The following BCAS1 variants were observed in gnomAD, a reference collection of about 807,000 sequenced individuals.
The protein encoded by BCAS1 is brain enriched myelin associated protein 1, also known as breast carcinoma-amplified sequence 1.
A neutral mutation model predicts 65.4 loss-of-function variants in BCAS1; 46 were observed. The ratio of observed to expected loss-of-function variants is 0.70; its 90% CI spans 0.55 to 0.90. The LOEUF (loss-of-function observed/expected upper bound fraction) is 0.90. BCAS1 is among the 40% of genes least tolerant of loss of function. The pLI is 0.00. For missense variants in BCAS1, 793 were observed against 771.2 expected, an observed-to-expected ratio of 1.03 and a Z score of -0.33; for synonymous variants, 298 against 293.5, an observed-to-expected ratio of 1.02 and a Z score of -0.16.
At chr20:54,029,340 G>A in intron 3 of BCAS1, 2 of 585,794 alleles carry the variant, frequency 3.4e-6, no homozygotes, top group Non-Finnish European at 4.3e-6. Flanking sequence ...GGGTTCTGGA[G>A]CTAGAACAAG....
chr20:54,062,185 A>T (rs2092384133), intron 1 of BCAS1, among the ~76,000 whole-genome samples: 1 of 152,192 alleles, frequency 6.6e-6, no homozygotes. Flanking sequence ...CTTTACAGAA[A>T]GTTTACCAGG....
intron 4 of BCAS1, among the ~76,000 whole-genome samples, chr20:53,996,393 C>A (rs1213299071): frequency 7.0e-6 from 1 of 143,396 alleles, no homozygotes; most frequent in Non-Finnish European, 1.5e-5. Context: ...GTCTCCTTAT[C>A]TATGATGTGT....
chr20:54,011,932 T>C (rs2091329515), intron 4 of BCAS1, among the ~76,000 whole-genome samples: 1 of 152,160 alleles, frequency 6.6e-6, no homozygotes, highest in Non-Finnish European at 1.5e-5. Flanking sequence ...CCTAGAGAAA[T>C]GAAGAATTAT....
In BCAS1 at chr20:53,985,341, G is replaced by C. The variant is rs1305370640; in HGVS notation, c.1221C>G (p.Thr407=). The change falls in exon 8 of 13, where the codon ACC becomes ACG. Residue 407 remains threonine (T), a synonymous_variant. Coordinates refer to ENST00000688948, the MANE Select transcript of BCAS1 (RefSeq NM_001366298.2). The part of the protein sequence containing the change: ...VTTPEPAKEG[T]KEKSGPTSLP... ...GAGAGGTGGGTCCTGATTTCTCCTT[G>C]GTGCCTTCCTTCGCAGGTTCAGGGG... The C allele has an allele frequency of 3.7e-6, 6 of 1,613,954 alleles. No individual in the cohort carries two copies. Among genetic ancestry groups the C allele is most frequent in the South Asian group, 2.2e-5 (2 of 91,072 alleles).
chr20:54,014,237 G>C (rs2091383859), intron 4 of BCAS1, among the ~76,000 whole-genome samples: 1 of 152,180 alleles, frequency 6.6e-6, no homozygotes, highest in East Asian at 1.9e-4. Flanking sequence ...CCTGGAAACT[G>C]TTTTTAAGCA....
At chr20:53,945,880 C>G (rs546852151) in intron 12 of BCAS1, among the ~76,000 whole-genome samples, 85 of 152,142 alleles carry the variant, frequency 5.6e-4, no homozygotes, top group African/African-American at 2.0e-3. Flanking sequence ...CAAATGATCC[C>G]CCCACGTCAG....
chr20:54,035,524 G>C (rs1173323809), intron 3 of BCAS1, among the ~76,000 whole-genome samples: 1 of 150,580 alleles, frequency 6.6e-6, no homozygotes. Context: ...TCTAATACCA[G>C]TCAGAATGAT....
In BCAS1 at chr20:53,955,345, C is replaced by G. The variant is rs541592569; in HGVS notation, c.1552-1650G>C. 2.0e-5 allele frequency among the ~76,000 whole-genome samples: 3 copies of G among 152,318 alleles called. No homozygotes were observed. In the East Asian group the frequency reaches 5.8e-4, roughly 29 times the overall value. On this transcript the variant is annotated intron_variant, in intron 11 of 12. Coordinates refer to ENST00000688948, the MANE Select transcript of BCAS1 (RefSeq NM_001366298.2). Reference sequence around the variant, plus strand: ...AACACTTCTGGCAGACCCCAACTGTCAGAGTTGCAGCAAATGCTAAGATAT... The same window carrying G: ...AACACTTCTGGCAGACCCCAACTGTGAGAGTTGCAGCAAATGCTAAGATAT...
intron 4 of BCAS1, among the ~76,000 whole-genome samples, chr20:54,009,197 G>A (rs1291177178): frequency 6.6e-6 from 1 of 152,062 alleles, no homozygotes; most frequent in African/African-American, 2.4e-5. Context: ...AAAATAGAAA[G>A]CCCCAGCAAA....
intron 8 of BCAS1, among the ~76,000 whole-genome samples, chr20:53,976,129 T>C (rs534739592): frequency 4.5e-4 from 68 of 152,342 alleles, no homozygotes; most frequent in African/African-American, 1.6e-3. Context: ...CCAAGTGGGA[T>C]AGGAGTTATC....
At chr20:53,955,400 G>A (rs1472042097) in intron 11 of BCAS1, among the ~76,000 whole-genome samples, 2 of 152,220 alleles carry the variant, frequency 1.3e-5, no homozygotes, top group Non-Finnish European at 2.9e-5. Flanking sequence ...ATATCCCAGA[G>A]CAGATACTCT....
chr20:53,994,347 T>C (rs376605174), intron 6 of BCAS1, among the ~76,000 whole-genome samples: 32 of 152,182 alleles, frequency 2.1e-4, no homozygotes, highest in African/African-American at 7.5e-4. Flanking sequence ...TCTAGGAAGA[T>C]GGTATTTCAA....
In BCAS1 at chr20:53,996,032, C is replaced by T. The variant is rs2090899961; in HGVS notation, c.742G>A (p.Glu248Lys). Residue 248 changes from glutamate (E) to lysine (K), a missense_variant, in exon 5 of 13, where the codon GAA (glutamate) becomes AAA (lysine). Coordinates refer to ENST00000688948, the MANE Select transcript of BCAS1 (RefSeq NM_001366298.2). Reference sequence around the variant, plus strand: ...GTTCCAAGTTCTTGTCCTTCTTTTTCCTTGCCGTCAACTATGTCCTAGGGG... The same window carrying T: ...GTTCCAAGTTCTTGTCCTTCTTTTTTCTTGCCGTCAACTATGTCCTAGGGG... Reference protein sequence around the residue: ...PAGKDIVDGKEKEGQELGTAD... With the variant: ...PAGKDIVDGKKKEGQELGTAD... 6.2e-7 allele frequency: 1 copy of T among 1,604,266 alleles called. No homozygotes were observed.
chr20:54,053,483 C>CAT (rs2092251188), intron 3 of BCAS1, among the ~76,000 whole-genome samples: 1 of 152,162 alleles, frequency 6.6e-6, no homozygotes, highest in Admixed American at 6.5e-5. Flanking sequence ...ACTTACAAGG[C>CAT]ATAAGGGATG....
At chr20:53,961,502 G>A (rs1568814852) in intron 10 of BCAS1, among the ~76,000 whole-genome samples, 1 of 152,302 alleles carries the variant, frequency 6.6e-6, no homozygotes, top group Non-Finnish European at 1.5e-5. Flanking sequence ...GGTAAATTTT[G>A]TTTTAGTGAC....
At chr20:53,981,536 GTTCT>G (rs2090479117) in intron 8 of BCAS1, among the ~76,000 whole-genome samples, 1 of 148,048 alleles carries the variant, frequency 6.8e-6, no homozygotes, top group South Asian at 2.1e-4. Flanking sequence ...GTCATTTGGC[GTTCT>G]TTTTTTTTTT....
intron 9 of BCAS1, among the ~76,000 whole-genome samples, chr20:53,967,756 C>T (rs921375309): frequency 2.0e-5 from 3 of 152,232 alleles, no homozygotes; most frequent in East Asian, 3.8e-4. Flanking sequence ...GTGTCTGTGG[C>T]GGCTTGGATG....
intron 3 of BCAS1, among the ~76,000 whole-genome samples, chr20:54,046,526 C>T (rs2092109433): frequency 2.7e-5 from 2 of 75,046 alleles, no homozygotes; most frequent in South Asian, 9.0e-4. Flanking sequence ...GAGACTCCAT[C>T]TCAAAAAAAA....
chr20:53,968,973 T>C (rs569287500), intron 9 of BCAS1, among the ~76,000 whole-genome samples: 5 of 152,234 alleles, frequency 3.3e-5, no homozygotes, highest in Non-Finnish European at 7.3e-5. Context: ...GACATGGATT[T>C]CCACATTTTG....
Sources: gnomAD v4.1 joint callset for allele counts (sites outside exome capture counted in the v4.1 genomes callset) on GRCh38, gnomAD v4.1.1 for gene constraint, MANE v1.5 for transcripts, NCBI Gene and HGNC (gene_info 2026-07-23, HGNC 2026-07-21) for gene names.